ID1: variants seen among roughly 807,000 people sequenced by gnomAD.
ID1 encodes DNA-binding protein inhibitor ID-1.
ID1 carries 8 observed loss-of-function variants against 11.3 expected under a neutral mutation model. The ratio of observed to expected loss-of-function variants is 0.71; its 90% confidence interval spans 0.42 to 1.28. The LOEUF (loss-of-function observed/expected upper bound fraction) is 1.28. Ranked by LOEUF, ID1 falls within the 50% of genes most tolerant of loss-of-function variation. ID1 has a pLI of 0.01. For synonymous variants in ID1, 176 were observed against 100.2 expected (o/e 1.76, Z -4.52); for missense variants, 347 against 219.8 (o/e 1.58, Z -3.66).
Position 31,606,289 on chromosome 20 carries a change from A to G in ID1, c.*195A>G. 2 of 618,838 alleles carry G rather than the reference A, an allele frequency of 3.2e-6. No homozygotes were observed. Among genetic ancestry groups the G allele is most frequent in the Non-Finnish European group, 5.9e-6 (2 of 340,002 alleles). 38.3% of individuals were successfully genotyped at this position (618,838 alleles called of 1,614,324 possible). A position where few individuals can be genotyped will look rare whatever the true frequency, so the allele number is the denominator to read the frequency against. ...GCGAGGAGAGGGCGCTCCTCTCTGC[A>G]CACCTACTAGTCACCAGAGACTTTA... On this transcript the variant is annotated 3_prime_UTR_variant, in exon 2 of 2. Coordinates refer to ENST00000376112, the MANE Select transcript of ID1 (RefSeq NM_002165.4).
rs763175681 is a variant in ID1 at position 31,605,753 on chromosome 20, G to A, written c.366G>A (p.Gly122=). ...ESEVGTPGGR[G]LPVRAPLSTL... ...AAGTTGGAACCCCCGGGGGCCGAGGGCTGCCGGTCCGGGCTCCGCTCAGCA... is the reference window on the plus strand; with the variant it reads ...AAGTTGGAACCCCCGGGGGCCGAGGACTGCCGGTCCGGGCTCCGCTCAGCA... The change falls in exon 1 of 2, where the codon GGG becomes GGA. Residue 122 remains glycine, a synonymous_variant. Coordinates refer to ENST00000376112, the MANE Select transcript of ID1 (RefSeq NM_002165.4). 5 of 1,610,074 alleles carry A rather than the reference G, an allele frequency of 3.1e-6. No homozygotes were observed. Among genetic ancestry groups the A allele is most frequent in the Non-Finnish European group, 4.2e-6 (5 of 1,178,308 alleles).
In ID1 at chr20:31,605,687, C is replaced by T. The variant is rs1274919442; in HGVS notation, c.300C>T (p.Asp100=). 1 of 1,611,596 alleles carries T rather than the reference C, an allele frequency of 6.2e-7. No individual in the cohort carries two copies. Among genetic ancestry groups the T allele is most frequent in the Non-Finnish European group, 8.5e-7 (1 of 1,178,858 alleles). ...TGGAGATTCTCCAGCACGTCATCGA[C>T]TACATCAGGGACCTTCAGTTGGAGC... The part of the protein sequence containing the change: ...SKVEILQHVI[D]YIRDLQLELN... Residue 100 remains aspartate (D), a synonymous_variant, in exon 1 of 2, where the codon GAC becomes GAT. Transcript: ENST00000376112.
Position 31,606,359 on chromosome 20 carries a change from A to G in ID1, c.*265A>G, listed in dbSNP as rs1353112069. ...TGTGTTTCTATTTTTTGAAAAGCAG[A>G]CATTTTAAAAAATGGTCACGTTTGG... is the stretch of plus-strand genomic sequence containing the variant. On this transcript the variant is annotated 3_prime_UTR_variant, in exon 2 of 2. Coordinates refer to ENST00000376112, the MANE Select transcript of ID1 (RefSeq NM_002165.4). The G allele has an allele frequency of 2.0e-5, 11 of 550,900 alleles. No individual in the cohort carries two copies. The highest frequency in any genetic ancestry group is 9.9e-6 in the Non-Finnish European group (3 of 303,210). The allele number at this position is 550,900 out of a possible 1,614,324, so 34.1% of individuals were successfully genotyped here. A position where few individuals can be genotyped will look rare whatever the true frequency, so the allele number is the denominator to read the frequency against.
In ID1 at chr20:31,606,324, A is replaced by T; in HGVS notation, c.*230A>T. On this transcript the variant is annotated 3_prime_UTR_variant, in exon 2 of 2. Transcript: ENST00000376112. ...GTCACCAGAGACTTTAGGGGGTGGG[A>T]TTCCACTCGTGTGTTTCTATTTTTT... is the stretch of plus-strand genomic sequence containing the variant. 1 of 576,740 alleles carries T rather than the reference A, an allele frequency of 1.7e-6. No individual in the cohort carries two copies. The highest frequency in any genetic ancestry group is 3.2e-6 in the Non-Finnish European group (1 of 317,164). 35.7% of individuals were successfully genotyped at this position (576,740 alleles called of 1,614,324 possible).
rs143214025 is a variant in ID1, at chr20:31,605,811, G to T, written c.424G>T (p.Glu142Ter). 7 of 1,611,392 alleles carry T rather than the reference G, an allele frequency of 4.3e-6. No homozygotes were observed. In the East Asian group the frequency reaches 1.6e-4, roughly 36 times the overall value. ...LNGEISALTA[E>*]AACVPADDRI... is the part of the protein sequence containing the mutation. ...CGGCGAGATCAGCGCCCTGACGGCC[G>T]AGGTGAGATCCAGATCCGACCACTA... Residue 142 changes from glutamate to a stop codon, truncating the protein, a stop_gained and splice_region_variant, in exon 1 of 2, where the codon GAG (glutamate) becomes TAG (stop). Coordinates refer to ENST00000376112, the MANE Select transcript of ID1 (RefSeq NM_002165.4). LOFTEE classifies it high-confidence loss of function.
chr20:31,605,342 A>AT lies in ID1; in HGVS notation c.-39dup, dbSNP rs150269842. The stretch of plus-strand genomic sequence containing the variant: ...CGTATCTGCTTCGGGCTTCCACCTC[A>AT]TTTTTTTCGCTTTGCCCATTCTGTT... On this transcript the variant is annotated 5_prime_UTR_variant, in exon 1 of 2. Coordinates refer to ENST00000376112, the MANE Select transcript of ID1 (RefSeq NM_002165.4). 8 of 1,546,672 alleles carry AT rather than the reference A, an allele frequency of 5.2e-6. No individual in the cohort carries two copies. The highest frequency in any genetic ancestry group is 4.2e-5 in the African/African-American group (3 of 71,208).
At chr20:31,605,853 A>G (rs1055283165) in intron 1 of ID1, 40 bp downstream of exon 1, 1 of 1,598,162 alleles carries the variant, frequency 6.3e-7, no homozygotes, top group African/African-American at 1.3e-5. Flanking sequence ...CCTTATACCG[A>G]CGGGGAAACG....
chr20:31,605,321 T>C lies in ID1; in HGVS notation c.-67T>C. 1 of 1,437,818 alleles carries C rather than the reference T, an allele frequency of 7.0e-7. No homozygotes were observed. Among genetic ancestry groups the C allele is most frequent in the Non-Finnish European group, 9.4e-7 (1 of 1,061,442 alleles). 89.1% of individuals were successfully genotyped at this position (1,437,818 alleles called of 1,614,324 possible). ...GTTCTTAACTGTTCCATTTTCCGTA[T>C]CTGCTTCGGGCTTCCACCTCATTTT... On this transcript the variant is annotated 5_prime_UTR_variant, in exon 1 of 2. Coordinates refer to ENST00000376112, the MANE Select transcript of ID1 (RefSeq NM_002165.4).
Position 31,606,297 on chromosome 20 carries a change from T to G in ID1, c.*203T>G, listed in dbSNP as rs997574900. On this transcript the variant is annotated 3_prime_UTR_variant, in exon 2 of 2. Coordinates refer to ENST00000376112, the MANE Select transcript of ID1 (RefSeq NM_002165.4). Reference sequence around the variant, plus strand: ...AGGGCGCTCCTCTCTGCACACCTACTAGTCACCAGAGACTTTAGGGGGTGG... The same window carrying G: ...AGGGCGCTCCTCTCTGCACACCTACGAGTCACCAGAGACTTTAGGGGGTGG... The G allele has an allele frequency of 5.0e-6, 3 of 602,798 alleles. No individual in the cohort carries two copies. The highest frequency in any genetic ancestry group is 1.9e-5 in the African/African-American group (1 of 53,638). 37.3% of individuals were successfully genotyped at this position (602,798 alleles called of 1,614,324 possible).
rs371235410 is a variant in ID1 at position 31,605,483 on chromosome 20, G to T, written c.96G>T (p.Val32=). 3.1e-6 allele frequency: 5 copies of T among 1,606,448 alleles called. No individual in the cohort carries two copies. The highest frequency in any genetic ancestry group is 1.7e-6 in the Non-Finnish European group (2 of 1,176,308). ...GKTASGAGEV[V]RCLSEQSVAI... is the part of the protein sequence containing the mutation. ...CAGCGAGCGGTGCGGGCGAGGTGGT[G>T]CGCTGTCTGTCTGAGCAGAGCGTGG... The change falls in exon 1 of 2, where the codon GTG becomes GTT. Residue 32 remains valine (V), a synonymous_variant. Coordinates refer to ENST00000376112, the MANE Select transcript of ID1 (RefSeq NM_002165.4).
In ID1 at chr20:31,606,310, C is replaced by T. The variant is rs953381515; in HGVS notation, c.*216C>T. On this transcript the variant is annotated 3_prime_UTR_variant, in exon 2 of 2. Transcript: ENST00000376112. Reference sequence around the variant, plus strand: ...CTGCACACCTACTAGTCACCAGAGACTTTAGGGGGTGGGATTCCACTCGTG... The same window carrying T: ...CTGCACACCTACTAGTCACCAGAGATTTTAGGGGGTGGGATTCCACTCGTG... The T allele has an allele frequency of 1.7e-6, 1 of 584,980 alleles. No homozygotes were observed. The highest frequency in any genetic ancestry group is 3.1e-6 in the Non-Finnish European group (1 of 321,288). 36.2% of individuals were successfully genotyped at this position (584,980 alleles called of 1,614,324 possible). A position where few individuals can be genotyped will look rare whatever the true frequency, so the allele number is the denominator to read the frequency against.
At position 31,606,431 on chromosome 20, in the gene ID1, T is replaced by C; in HGVS notation, c.*337T>C. 8.4e-6 allele frequency: 3 copies of C among 356,258 alleles called. No homozygotes were observed. The highest frequency in any genetic ancestry group is 6.1e-5 in the South Asian group (1 of 16,434). The allele number at this position is 356,258 out of a possible 1,614,324, so 22.1% of individuals were successfully genotyped here. ...AATTGCTTTGTATTGTATATTACAA[T>C]GATCACCGACTGAAAATATTGTTTT... On this transcript the variant is annotated 3_prime_UTR_variant, in exon 2 of 2. Coordinates refer to ENST00000376112, the MANE Select transcript of ID1 (RefSeq NM_002165.4).
At position 31,606,437 on chromosome 20, in the gene ID1, C is replaced by T. The variant is rs1474319925; in HGVS notation, c.*343C>T. ...TTTGTATTGTATATTACAATGATCA[C>T]CGACTGAAAATATTGTTTTACAATA... On this transcript the variant is annotated 3_prime_UTR_variant, in exon 2 of 2. Transcript: ENST00000376112. 9.0e-6 allele frequency: 3 copies of T among 332,076 alleles called. No individual in the cohort carries two copies. The highest frequency in any genetic ancestry group is 6.4e-5 in the African/African-American group (3 of 46,754). The allele number at this position is 332,076 out of a possible 1,614,324, so 20.6% of individuals were successfully genotyped here.
In ID1 at chr20:31,606,224, C is replaced by T. The variant is rs1986105413; in HGVS notation, c.*130C>T. ...CAAGACCGATCGGCGGCCACTGCGC[C>T]CTTAACTGCATCCAGCCTGGGGCTG... is the stretch of plus-strand genomic sequence containing the variant. On this transcript the variant is annotated 3_prime_UTR_variant, in exon 2 of 2. Coordinates refer to ENST00000376112, the MANE Select transcript of ID1 (RefSeq NM_002165.4). The T allele has an allele frequency of 3.1e-6, 3 of 963,554 alleles. No homozygotes were observed. The highest frequency in any genetic ancestry group is 4.9e-6 in the Non-Finnish European group (3 of 618,486). The allele number at this position is 963,554 out of a possible 1,614,324, so 59.7% of individuals were successfully genotyped here.
In ID1 at chr20:31,606,504, G is replaced by A. The variant is rs1986123295; in HGVS notation, c.*410G>A. The A allele has an allele frequency of 4.9e-6, 1 of 202,496 alleles. No homozygotes were observed. Among genetic ancestry groups the A allele is most frequent in the Non-Finnish European group, 1.1e-5 (1 of 90,984 alleles). The allele number at this position is 202,496 out of a possible 1,614,324, so 12.5% of individuals were successfully genotyped here. On this transcript the variant is annotated 3_prime_UTR_variant, in exon 2 of 2. Transcript: ENST00000376112. Reference sequence around the variant, plus strand: ...TTTTTGTTATTAAACAAATAATTTAGATGGTGGTAAAGTTGTAGTGACTTC... The same window carrying A: ...TTTTTGTTATTAAACAAATAATTTAAATGGTGGTAAAGTTGTAGTGACTTC...
In ID1 at chr20:31,606,291, A is replaced by T. The variant is rs1415314401; in HGVS notation, c.*197A>T. The T allele has an allele frequency of 1.6e-6, 1 of 610,140 alleles. No individual in the cohort carries two copies. Among genetic ancestry groups the T allele is most frequent in the Non-Finnish European group, 3.0e-6 (1 of 335,270 alleles). 37.8% of individuals were successfully genotyped at this position (610,140 alleles called of 1,614,324 possible). ...GAGGAGAGGGCGCTCCTCTCTGCAC[A>T]CCTACTAGTCACCAGAGACTTTAGG... is the stretch of plus-strand genomic sequence containing the variant. On this transcript the variant is annotated 3_prime_UTR_variant, in exon 2 of 2. Transcript: ENST00000376112.
At position 31,606,499 on chromosome 20, in the gene ID1, A is replaced by AT; in HGVS notation, c.*408dup. ...CTGTTTTTTTGTTATTAAACAAATA[A>AT]TTTAGATGGTGGTAAAGTTGTAGTG... On this transcript the variant is annotated 3_prime_UTR_variant, in exon 2 of 2. Transcript: ENST00000376112. 1 of 205,642 alleles carries AT rather than the reference A, an allele frequency of 4.9e-6. No individual in the cohort carries two copies. Among genetic ancestry groups the AT allele is most frequent in the Non-Finnish European group, 1.1e-5 (1 of 92,690 alleles). 12.7% of individuals were successfully genotyped at this position (205,642 alleles called of 1,614,324 possible).
In ID1 at chr20:31,605,831, C is replaced by T. The variant is rs553369764; in HGVS notation, c.426+18C>T. 6.2e-7 allele frequency: 1 copy of T among 1,610,228 alleles called. No individual in the cohort carries two copies. The highest frequency in any genetic ancestry group is 1.1e-5 in the South Asian group (1 of 90,442). Reference sequence around the variant, plus strand: ...CGGCCGAGGTGAGATCCAGATCCGACCACTAGATCATCCTTATACCGACGG... The same window carrying T: ...CGGCCGAGGTGAGATCCAGATCCGATCACTAGATCATCCTTATACCGACGG... On this transcript the variant is annotated intron_variant, in intron 1 of 1. Coordinates refer to ENST00000376112, the MANE Select transcript of ID1 (RefSeq NM_002165.4).
At position 31,605,802 on chromosome 20, in the gene ID1, C is replaced by T. The variant is rs762293966; in HGVS notation, c.415C>T (p.Leu139=). ...LSTLNGEISA[L]TAEAACVPAD... is the part of the protein sequence containing the mutation. The stretch of plus-strand genomic sequence containing the variant: ...CACCCTCAACGGCGAGATCAGCGCC[C>T]TGACGGCCGAGGTGAGATCCAGATC... Residue 139 remains leucine, a synonymous_variant, in exon 1 of 2, where the codon CTG becomes TTG. Coordinates refer to ENST00000376112, the MANE Select transcript of ID1 (RefSeq NM_002165.4). 13 of 1,611,406 alleles carry T rather than the reference C, an allele frequency of 8.1e-6. No homozygotes were observed. In the South Asian group the frequency reaches 9.9e-5, roughly 12 times the overall value.
Sources: allele counts gnomAD v4.1 joint callset, GRCh38; gene constraint gnomAD v4.1.1; transcripts MANE v1.5; gene names NCBI Gene and HGNC (gene_info 2026-07-23, HGNC 2026-07-21).